PLCB1: variants seen among roughly 807,000 people sequenced by gnomAD.
The protein encoded by PLCB1 is 1-phosphatidylinositol 4,5-bisphosphate phosphodiesterase beta-1.
Under a neutral mutation model 161.8 loss-of-function variants are expected in PLCB1, and 46 were observed. The observed-to-expected ratio is 0.28, with a 90% CI of 0.22 to 0.36. PLCB1 has a LOEUF of 0.36. Ranked by LOEUF, PLCB1 falls within the 10% of genes least tolerant of loss-of-function variation. The pLI, the probability that PLCB1 is intolerant of heterozygous loss-of-function variation, is 1.00. For synonymous variants in PLCB1, 517 were observed against 503.7 expected (o/e 1.03, Z -0.35); for missense variants, 1,016 against 1,472.5 (o/e 0.69, Z 5.07).
Position 8,297,892 on chromosome 20 carries a change from G to GGT in PLCB1, c.178-73490_178-73489insGT, listed in dbSNP as rs1555796224. ...ACCACCTTAGTAGATTTCTTTTTGG[G>GGT]TTTTTTTTTTTTTTTGCCAAAATCT... On this transcript the variant is annotated intron_variant, in intron 2 of 31. Coordinates refer to ENST00000338037, the MANE Select transcript of PLCB1 (RefSeq NM_015192.4). Among the ~76,000 whole-genome samples the GGT allele has an allele frequency of 6.7e-3, 887 of 132,684 alleles. 8 individuals are homozygous for GGT. The highest frequency in any genetic ancestry group is 0.013 in the African/African-American group (473 of 36,906). 87.0% of individuals were successfully genotyped at this position (132,684 alleles called of 152,430 possible). A position where few individuals can be genotyped will look rare whatever the true frequency, so the allele number is the denominator to read the frequency against.
intron 3 of PLCB1, among the ~76,000 whole-genome samples, chr20:8,583,420 A>C (rs894285724): frequency 6.6e-6 from 1 of 152,274 alleles, no homozygotes; most frequent in African/African-American, 2.4e-5. Flanking sequence ...TTTAAAAAAC[A>C]TAAAATACAA....
intron 11 of PLCB1, among the ~76,000 whole-genome samples, chr20:8,700,620 C>T (rs1990679911): frequency 6.6e-6 from 1 of 152,202 alleles, no homozygotes; most frequent in South Asian, 2.1e-4. Flanking sequence ...TCTCTCTCTG[C>T]CTGCTGGAGT....
intron 17 of PLCB1, among the ~76,000 whole-genome samples, chr20:8,728,224 T>G (rs1018582414): frequency 3.3e-5 from 5 of 152,122 alleles, no homozygotes; most frequent in African/African-American, 1.2e-4. Flanking sequence ...ATGAGGAGAC[T>G]GAGTCACAGA....
chr20:8,601,007 C>T (rs1033836056), intron 3 of PLCB1, among the ~76,000 whole-genome samples: 19 of 152,134 alleles, frequency 1.2e-4, no homozygotes, highest in African/African-American at 4.3e-4. Context: ...GTCTGGCACT[C>T]CCTAGTGAGA....
intron 2 of PLCB1, among the ~76,000 whole-genome samples, chr20:8,360,630 A>T (rs1282794459): frequency 6.6e-6 from 1 of 152,158 alleles, no homozygotes; most frequent in Non-Finnish European, 1.5e-5. Flanking sequence ...TTCATTAAGC[A>T]TGATGTTCCC....
chr20:8,560,866 T>C (rs1374844592), intron 3 of PLCB1, among the ~76,000 whole-genome samples: 2 of 152,010 alleles, frequency 1.3e-5, no homozygotes, highest in Non-Finnish European at 2.9e-5. Context: ...AGAATAACCT[T>C]TTAAAAATAA....
At chr20:8,777,919 CA>C (rs967453801) in intron 27 of PLCB1, among the ~76,000 whole-genome samples, 14 of 152,060 alleles carry the variant, frequency 9.2e-5, no homozygotes, top group Non-Finnish European at 1.5e-4. Context: ...AGTGCTTGTG[CA>C]GGGACATTTC....
chr20:8,440,295 G>C (rs1980500467), intron 3 of PLCB1, among the ~76,000 whole-genome samples: 1 of 152,148 alleles, frequency 6.6e-6, no homozygotes, highest in South Asian at 2.1e-4. Context: ...TCAAACATTT[G>C]TGACTCCCAT....
chr20:8,437,657 A>C (rs1371444787), intron 3 of PLCB1, among the ~76,000 whole-genome samples: 1 of 152,158 alleles, frequency 6.6e-6, no homozygotes, highest in East Asian at 1.9e-4. Flanking sequence ...CATTATTTGT[A>C]CTTATATGAA....
At chr20:8,616,671 G>A (rs1215574593) in intron 3 of PLCB1, among the ~76,000 whole-genome samples, 1 of 152,164 alleles carries the variant, frequency 6.6e-6, no homozygotes, top group Non-Finnish European at 1.5e-5. Flanking sequence ...TAAAGACCAT[G>A]AGACAGATGC....
At chr20:8,569,520 A>T (rs1986439844) in intron 3 of PLCB1, among the ~76,000 whole-genome samples, 1 of 152,216 alleles carries the variant, frequency 6.6e-6, no homozygotes, top group Non-Finnish European at 1.5e-5. Flanking sequence ...ATCAATGTTC[A>T]CATACACTGA....
At chr20:8,799,770 C>G (rs960794974) in intron 31 of PLCB1, among the ~76,000 whole-genome samples, 1 of 152,168 alleles carries the variant, frequency 6.6e-6, no homozygotes, top group Admixed American at 6.5e-5. Flanking sequence ...CACAGATGCT[C>G]AGGTCCTTTA....
At chr20:8,264,292 A>G (rs1287629172) in intron 2 of PLCB1, among the ~76,000 whole-genome samples, 1 of 152,186 alleles carries the variant, frequency 6.6e-6, no homozygotes, top group Non-Finnish European at 1.5e-5. Flanking sequence ...GATAATATGC[A>G]TGGAACTGTC....
intron 3 of PLCB1, among the ~76,000 whole-genome samples, chr20:8,570,609 ACG>A (rs879855215): frequency 0.25 from 36,668 of 146,444 alleles, 6,462 homozygotes; most frequent in Non-Finnish European, 0.31. Context: ...CCCTGATCTC[ACG>A]CAGCTGACAC....
At chr20:8,474,785 A>C (rs1982199805) in intron 3 of PLCB1, among the ~76,000 whole-genome samples, 1 of 152,140 alleles carries the variant, frequency 6.6e-6, no homozygotes, top group African/African-American at 2.4e-5. Flanking sequence ...AGAATGGGGA[A>C]GTACATTGCC....
intron 7 of PLCB1, among the ~76,000 whole-genome samples, chr20:8,650,756 T>G (rs999597309): frequency 2.0e-5 from 3 of 152,210 alleles, no homozygotes; most frequent in African/African-American, 7.2e-5. Flanking sequence ...TTTTAAGATG[T>G]ATAAGCTATG....
intron 31 of PLCB1, among the ~76,000 whole-genome samples, chr20:8,853,152 G>T (rs533807941): frequency 3.0e-4 from 46 of 152,126 alleles, no homozygotes; most frequent in Non-Finnish European, 5.9e-4. Context: ...GGAACTTTGG[G>T]CACATAAGGA....
At chr20:8,582,794 C>G (rs6140643) in intron 3 of PLCB1, among the ~76,000 whole-genome samples, 34,795 of 151,946 alleles carry the variant, frequency 0.23, 4,398 homozygotes, top group South Asian at 0.37. Context: ...TCCAGACCAG[C>G]CTGGCCCACA....
intron 12 of PLCB1, among the ~76,000 whole-genome samples, chr20:8,713,858 C>T (rs1426522753): frequency 6.6e-6 from 1 of 152,090 alleles, no homozygotes; most frequent in Non-Finnish European, 1.5e-5. Flanking sequence ...AATCATGGCT[C>T]CAGTAAAATC....
Sources: allele counts gnomAD v4.1 joint callset (sites outside exome capture counted in the v4.1 genomes callset), GRCh38; gene constraint gnomAD v4.1.1; transcripts MANE v1.5; gene names NCBI Gene and HGNC (gene_info 2026-07-23, HGNC 2026-07-21).